Variants in RBM25 observed in about 807,000 individuals in gnomAD.
RBM25 encodes RNA binding motif protein 25.
Under a neutral mutation model 120.7 loss-of-function variants are expected in RBM25, and 19 were observed. The observed-to-expected ratio is 0.16, with a 90% CI of 0.11 to 0.23. The LOEUF is 0.23. Ranked by LOEUF, RBM25 falls within the 10% of genes least tolerant of loss-of-function variation. The probability of loss-of-function intolerance (pLI) is 1.00; values close to 1 mark genes in which losing one functional copy is unlikely to be tolerated. For synonymous variants in RBM25, 390 were observed against 326.7 expected (o/e 1.19, Z -2.09); for missense variants, 605 against 1,041.5 (o/e 0.58, Z 5.77).
intron 4 of RBM25, among the ~76,000 whole-genome samples, chr14:73,082,321 T>C (rs1342984443): frequency 1.3e-5 from 2 of 152,220 alleles, no homozygotes; most frequent in African/African-American, 2.4e-5. Context: ...TGAGACAGTC[T>C]CATTCTGTTG....
Position 73,114,329 on chromosome 14 carries a change from C to T in RBM25, c.2435C>T (p.Ala812Val). The change falls in exon 18 of 19, where the codon GCC becomes GTC. Residue 812 changes from alanine to valine, a missense_variant. By Grantham distance (64) the Ala-to-Val change is moderately conservative. This residue lies in a region of RBM25 where 23 missense variants were observed against 83.2 expected (regional missense o/e 0.28). Coordinates refer to ENST00000261973, the MANE Select transcript of RBM25 (RefSeq NM_021239.3). The part of the protein sequence containing the change: ...SSPQSILDDV[A>V]MVLDEEAEVF... ...CCCCAGAGCATTTTAGATGATGTTGCCATGGTAAGTTAGAAATTCACTATT... is the reference window on the plus strand; with the variant it reads ...CCCCAGAGCATTTTAGATGATGTTGTCATGGTAAGTTAGAAATTCACTATT... 6.4e-7 allele frequency: 1 copy of T among 1,563,134 alleles called. No homozygotes were observed. The highest frequency in any genetic ancestry group is 8.7e-7 in the Non-Finnish European group (1 of 1,153,954).
At chr14:73,069,201 C>T (rs1215575641) in intron 1 of RBM25, among the ~76,000 whole-genome samples, 2 of 152,112 alleles carry the variant, frequency 1.3e-5, no homozygotes, top group Non-Finnish European at 2.9e-5. Flanking sequence ...ACCATCCCGG[C>T]TTGGAATAAA....
At chr14:73,115,372 T>C (rs1896405380) in intron 18 of RBM25, among the ~76,000 whole-genome samples, 1 of 152,200 alleles carries the variant, frequency 6.6e-6, no homozygotes, top group South Asian at 2.1e-4. Context: ...TCCCCTCTCT[T>C]CGTTCATGTT....
chr14:73,084,577 A>C (rs996933773), intron 5 of RBM25, among the ~76,000 whole-genome samples: 4 of 150,858 alleles, frequency 2.7e-5, no homozygotes, highest in African/African-American at 9.8e-5. Context: ...TTTTTGGAGG[A>C]GTTTCGCTCT....
At position 73,103,470 on chromosome 14, in the gene RBM25, T is replaced by C. The variant is rs1358135912; in HGVS notation, c.1146T>C (p.Ser382=). The C allele has an allele frequency of 6.3e-7, 1 of 1,593,670 alleles. No homozygotes were observed. Among genetic ancestry groups the C allele is most frequent in the Non-Finnish European group, 8.5e-7 (1 of 1,171,360 alleles). The change falls in exon 10 of 19, where the codon AGT becomes AGC. Residue 382 remains serine (S), a synonymous_variant. Transcript: ENST00000261973. ...ERSSDRNKDR[S]RSREKSRDRE... ...GCTCAGATCGTAATAAGGATCGCAG[T>C]CGATCAAGGTAAGGCTTTACAGAAG... is the stretch of plus-strand genomic sequence containing the variant.
At chr14:73,112,643 C>A (rs984336767) in intron 17 of RBM25, among the ~76,000 whole-genome samples, 5 of 152,150 alleles carry the variant, frequency 3.3e-5, no homozygotes, top group Admixed American at 1.3e-4. Flanking sequence ...TAGCCAATAT[C>A]TTTTCCCAAC....
intron 10 of RBM25, among the ~76,000 whole-genome samples, chr14:73,103,928 TCTCTCTCTCTCTCTCTCTCTCA>T (rs1896110413): frequency 7.5e-5 from 5 of 66,338 alleles, no homozygotes; most frequent in African/African-American, 3.7e-4. Flanking sequence ...TCTCTCTCTC[TCTCTCTCTCTCTCTCTCTCTCA>T]CACACACACA....
chr14:73,062,629 G>C (rs1321162775), intron 1 of RBM25, among the ~76,000 whole-genome samples: 2 of 151,414 alleles, frequency 1.3e-5, no homozygotes, highest in African/African-American at 4.8e-5. Flanking sequence ...AGTGAAAAAA[G>C]AAAAGCTGAG....
chr14:73,105,397 A>G (rs1373604422), intron 10 of RBM25, among the ~76,000 whole-genome samples: 2 of 152,230 alleles, frequency 1.3e-5, no homozygotes, highest in Non-Finnish European at 2.9e-5. Context: ...TCCATGCAAC[A>G]TGTCAGAATT....
intron 1 of RBM25, among the ~76,000 whole-genome samples, chr14:73,067,510 A>G (rs542383990): frequency 7.0e-4 from 106 of 151,938 alleles, no homozygotes; most frequent in Non-Finnish European, 1.1e-3. Flanking sequence ...GGTTCAAGCA[A>G]TTCTCCTGCC....
chr14:73,103,214 A>G lies in RBM25; in HGVS notation c.890A>G (p.Lys297Arg). 1 of 1,610,314 alleles carries G rather than the reference A, an allele frequency of 6.2e-7. No individual in the cohort carries two copies. Among genetic ancestry groups the G allele is most frequent in the Non-Finnish European group, 8.5e-7 (1 of 1,179,078 alleles). Residue 297 changes from lysine to arginine, a missense_variant, in exon 10 of 19, where the codon AAA becomes AGA. Lys to Arg is a conservative substitution (Grantham distance 26). Around this residue, in one of 4 missense-constraint regions of RBM25, gnomAD observed 465 missense variants for 741.6 expected, o/e 0.63. Transcript: ENST00000261973. ...THKKLEEEKGKKEKERQEIEK... is the reference protein window; with the variant it reads ...THKKLEEEKGRKEKERQEIEK... ...TAGAAACTGGAAGAAGAGAAAGGCA[A>G]AAAGGAAAAAGAAAGACAGGAAATT...
Position 73,106,272 on chromosome 14 carries a change from G to A in RBM25, c.1454G>A (p.Arg485Lys). 1 of 1,592,100 alleles carries A rather than the reference G, an allele frequency of 6.3e-7. No homozygotes were observed. Among genetic ancestry groups the A allele is most frequent in the South Asian group, 1.2e-5 (1 of 85,930 alleles). Residue 485 changes from arginine to lysine, a missense_variant, in exon 12 of 19, where the codon AGA becomes AAA. Arg to Lys is a conservative substitution (Grantham distance 26, BLOSUM62 2). Around this residue, in one of 4 missense-constraint regions of RBM25, gnomAD observed 465 missense variants for 741.6 expected, o/e 0.63. Transcript: ENST00000261973. ...YEKEAEREEERRREMAKEAKR... is the reference protein window; with the variant it reads ...YEKEAEREEEKRREMAKEAKR... ...AAAGAAGCTGAAAGAGAAGAAGAAAGAAGAAGAGAAATGGTAAGATTCTAG... is the reference window on the plus strand; with the variant it reads ...AAAGAAGCTGAAAGAGAAGAAGAAAAAAGAAGAGAAATGGTAAGATTCTAG...
At chr14:73,103,964 A>T (rs1407816459) in intron 10 of RBM25, among the ~76,000 whole-genome samples, 5 of 128,970 alleles carry the variant, frequency 3.9e-5, no homozygotes, top group Non-Finnish European at 6.8e-5. Context: ...ACACACACAC[A>T]CACACACACA....
intron 1 of RBM25, among the ~76,000 whole-genome samples, chr14:73,060,831 A>G (rs1340334636): frequency 2.6e-5 from 4 of 151,272 alleles, no homozygotes; most frequent in East Asian, 1.9e-4. Flanking sequence ...CATTTTGCCA[A>G]TTTGCTTTAT....
intron 2 of RBM25, among the ~76,000 whole-genome samples, chr14:73,073,679 A>G (rs1001715208): frequency 1.3e-5 from 2 of 152,174 alleles, no homozygotes. Context: ...CAAGAATGCA[A>G]CTTTGTCTCA....
intron 10 of RBM25, among the ~76,000 whole-genome samples, chr14:73,105,583 C>G (rs1396620683): frequency 2.0e-5 from 3 of 152,128 alleles, no homozygotes; most frequent in Non-Finnish European, 4.4e-5. Context: ...ACTAACCATT[C>G]ATTTTAATGA....
At position 73,098,395 on chromosome 14, in the gene RBM25, G is replaced by A. The variant is rs1027088064; in HGVS notation, c.730-985G>A. ...TCTGCCTGCCTCAGCCTTCCAAAGT[G>A]CTGGGACTACAAGTGTGAATCACTC... is the stretch of plus-strand genomic sequence containing the variant. On this transcript the variant is annotated intron_variant, in intron 7 of 18. Transcript: ENST00000261973. Among the ~76,000 whole-genome samples the A allele has an allele frequency of 2.6e-5, 4 of 152,270 alleles. No homozygotes were observed. In the South Asian group the frequency reaches 6.2e-4, roughly 24 times the overall value.
At chr14:73,095,613 A>T (rs2140448532) in intron 6 of RBM25, among the ~76,000 whole-genome samples, 1 of 152,220 alleles carries the variant, frequency 6.6e-6, no homozygotes, top group Non-Finnish European at 1.5e-5. Context: ...CCTCAAAAAA[A>T]AAAAAAGAAT....
intron 5 of RBM25, among the ~76,000 whole-genome samples, chr14:73,084,695 G>A (rs1895643640): frequency 6.6e-6 from 1 of 151,052 alleles, no homozygotes; most frequent in Non-Finnish European, 1.5e-5. Flanking sequence ...TGGGATTACA[G>A]GCACGTGCCA....
Sources: allele counts gnomAD v4.1 joint callset (sites outside exome capture counted in the v4.1 genomes callset), GRCh38; gene constraint gnomAD v4.1.1; regional missense constraint gnomAD v4.1.1; transcripts MANE v1.5; gene names NCBI Gene and HGNC (gene_info 2026-07-23, HGNC 2026-07-21).